Variants in COPA observed in about 807,000 individuals in gnomAD.
The protein encoded by COPA is coat protein complex I subunit alpha.
In COPA, 10 loss-of-function variants were observed where a neutral mutation model predicts 158.7. The observed-to-expected ratio is 0.06, with a 90% CI of 0.04 to 0.11. The LOEUF is 0.11. Ranked by LOEUF, COPA falls within the 10% of genes least tolerant of loss-of-function variation. The pLI is 1.00. For synonymous variants in COPA, 462 were observed against 542.8 expected (o/e 0.85, Z 2.07); for missense variants, 1,065 against 1,536.7 (o/e 0.69, Z 5.13).
In COPA at chr1:160,293,470, G is replaced by A; in HGVS notation, c.2677-7C>T. The A allele has an allele frequency of 6.4e-7, 1 of 1,568,458 alleles. No individual in the cohort carries two copies. Among genetic ancestry groups the A allele is most frequent in the Admixed American group, 2.2e-5 (1 of 46,306 alleles). The stretch of plus-strand genomic sequence containing the variant: ...CTGCCCCAGGGGATATATCCTAGGG[G>A]AAAAACAAAAATTGAGTATTGAGTA... On this transcript the variant is annotated splice_polypyrimidine_tract_variant and splice_region_variant and intron_variant, in intron 25 of 32. Coordinates refer to ENST00000241704, the MANE Select transcript of COPA (RefSeq NM_004371.4).
At chr1:160,336,553 T>C (rs1024394369) in intron 3 of COPA, among the ~76,000 whole-genome samples, 3 of 152,144 alleles carry the variant, frequency 2.0e-5, no homozygotes, top group African/African-American at 7.2e-5. Flanking sequence ...CATATTCAGA[T>C]GTGAAGTTGA....
At chr1:160,312,779 C>G (rs1659008319) in intron 10 of COPA, among the ~76,000 whole-genome samples, 1 of 152,230 alleles carries the variant, frequency 6.6e-6, no homozygotes, top group South Asian at 2.1e-4. Context: ...TCTGCATTTG[C>G]TGTTCCCATT....
intron 6 of COPA, among the ~76,000 whole-genome samples, chr1:160,330,100 G>T (rs1346401527): frequency 6.6e-6 from 1 of 152,104 alleles, no homozygotes; most frequent in South Asian, 2.1e-4. Flanking sequence ...GGGTAACAGT[G>T]AGACTCTGTC....
intron 8 of COPA, among the ~76,000 whole-genome samples, chr1:160,320,271 C>T (rs1472143837): frequency 6.6e-6 from 1 of 151,958 alleles, no homozygotes; most frequent in African/African-American, 2.4e-5. Flanking sequence ...TACTAGAAAA[C>T]TTACAAGAAA....
At chr1:160,336,439 T>A (rs1000387807) in intron 3 of COPA, among the ~76,000 whole-genome samples, 5 of 151,972 alleles carry the variant, frequency 3.3e-5, no homozygotes, top group African/African-American at 9.7e-5. Context: ...ACAACGCCCA[T>A]ACATGTGTGG....
rs535612583 is a variant in COPA, at chr1:160,312,503, C to CT, written c.926-486dup. ...TCTTTCCCTACTAGCACCATCATCC[C>CT]TTAGAAAACCCTTCCACTCTTGTTC... On this transcript the variant is annotated intron_variant, in intron 10 of 32. Transcript: ENST00000241704. Among the ~76,000 whole-genome samples, 81 of 152,330 alleles carry CT rather than the reference C, an allele frequency of 5.3e-4. 1 individual carries two copies. Among genetic ancestry groups the CT allele is most frequent in the African/African-American group, 1.9e-3 (80 of 41,562 alleles).
At chr1:160,313,950 G>C (rs1206342383) in intron 9 of COPA, 40 bp downstream of exon 9, 4 of 1,533,228 alleles carry the variant, frequency 2.6e-6, no homozygotes, top group Non-Finnish European at 3.5e-6. Flanking sequence ...TTAAAAGAGA[G>C]AGTAAGAGAA....
chr1:160,313,734 T>A (rs1452775069), intron 9 of COPA, among the ~76,000 whole-genome samples: 1 of 152,136 alleles, frequency 6.6e-6, no homozygotes, highest in African/African-American at 2.4e-5. Context: ...TTCTTACTTC[T>A]CTAGCTACAG....
chr1:160,296,239 C>T lies in COPA; in HGVS notation c.2264-90G>A, dbSNP rs1658407715. ...CCTCTGAAATGGCCCCCCAGTAATCCCTGACTCCTGGTATTCAAGTTGTTG... is the reference window on the plus strand; with the variant it reads ...CCTCTGAAATGGCCCCCCAGTAATCTCTGACTCCTGGTATTCAAGTTGTTG... On this transcript the variant is annotated intron_variant, in intron 21 of 32. Coordinates refer to ENST00000241704, the MANE Select transcript of COPA (RefSeq NM_004371.4). The T allele has an allele frequency of 1.3e-5, 13 of 1,038,168 alleles. No homozygotes were observed. In the South Asian group the frequency reaches 1.7e-4, roughly 14 times the overall value. The allele number at this position is 1,038,168 out of a possible 1,614,324, so 64.3% of individuals were successfully genotyped here. A position where few individuals can be genotyped will look rare whatever the true frequency, so the allele number is the denominator to read the frequency against.
intron 11 of COPA, 107 bp downstream of exon 11, chr1:160,311,761 T>C (rs1658974625): frequency 5.4e-6 from 6 of 1,111,632 alleles, no homozygotes; most frequent in South Asian, 3.5e-5. Flanking sequence ...AAAAATTAAA[T>C]AAATAAAATA....
At chr1:160,292,235 A>G in intron 28 of COPA, 37 bp from the exon 29 acceptor site, 1 of 1,594,628 alleles carries the variant, frequency 6.3e-7, no homozygotes, top group Non-Finnish European at 8.6e-7. Context: ...CAGGATAGTC[A>G]GTAGGCAACT....
chr1:160,290,366 C>G (rs1658185105), intron 32 of COPA, 126 bp downstream of exon 32: 1 of 1,368,754 alleles, frequency 7.3e-7, no homozygotes, highest in Non-Finnish European at 1.0e-6. Context: ...GATGCTCTAG[C>G]TTTCTCCAGT....
At chr1:160,297,223 C>G in intron 21 of COPA, 120 bp downstream of exon 21, 1 of 859,888 alleles carries the variant, frequency 1.2e-6, no homozygotes, top group Non-Finnish European at 1.9e-6. Flanking sequence ...AGCATGTTGT[C>G]TCTCCTAAAA....
Position 160,290,779 on chromosome 1 carries a change from G to A in COPA, c.3421-93C>T. On this transcript the variant is annotated intron_variant, in intron 31 of 32. Transcript: ENST00000241704. ...CATGGTTTGGTAGTTCCGTTGATGT[G>A]AGACACAACTGTACTGCGTGAAAAG... The A allele has an allele frequency of 3.4e-6, 4 of 1,182,554 alleles. No individual in the cohort carries two copies. The African/African-American group carries it at 6.0e-5, about 18-fold the overall frequency. 73.3% of individuals were successfully genotyped at this position (1,182,554 alleles called of 1,614,324 possible). A position where few individuals can be genotyped will look rare whatever the true frequency, so the allele number is the denominator to read the frequency against.
At chr1:160,337,422 T>C (rs1267371505) in intron 3 of COPA, among the ~76,000 whole-genome samples, 4 of 152,186 alleles carry the variant, frequency 2.6e-5, no homozygotes, top group Non-Finnish European at 4.4e-5. Flanking sequence ...GAGAAATTAA[T>C]TAAAACCACC....
At position 160,343,151 on chromosome 1, in the gene COPA, G is replaced by A; in HGVS notation, c.20C>T (p.Thr7Ile). ...ACTACCTTTGACCCGCGCGCTCTTG[G>A]TCTCGAATTTGGTTAACATCTCTCA... MLTKFE[T>I]KSARVKGLSF... The change falls in exon 1 of 33, where the codon ACC becomes ATC. Residue 7 changes from threonine (T) to isoleucine (I), a missense_variant. By Grantham distance (89) the Thr-to-Ile change is moderately conservative. This residue lies in a region of COPA where 85 missense variants were observed against 178.9 expected (regional missense o/e 0.48). Coordinates refer to ENST00000241704, the MANE Select transcript of COPA (RefSeq NM_004371.4). 2 of 1,614,014 alleles carry A rather than the reference G, an allele frequency of 1.2e-6. No homozygotes were observed. The highest frequency in any genetic ancestry group is 1.7e-6 in the Non-Finnish European group (2 of 1,180,010).
intron 7 of COPA, among the ~76,000 whole-genome samples, chr1:160,323,978 A>G (rs1659413515): frequency 6.6e-6 from 1 of 151,978 alleles, no homozygotes; most frequent in African/African-American, 2.4e-5. Context: ...TCTCTGCCTC[A>G]GCCTCCCAAG....
intron 6 of COPA, among the ~76,000 whole-genome samples, chr1:160,328,173 A>G (rs1647345841): frequency 6.6e-6 from 1 of 152,182 alleles, no homozygotes; most frequent in South Asian, 2.1e-4. Context: ...CCTTTCACTT[A>G]TTTCACTTGT....
intron 8 of COPA, among the ~76,000 whole-genome samples, chr1:160,319,620 T>C (rs935750262): frequency 4.6e-5 from 7 of 151,180 alleles, no homozygotes; most frequent in African/African-American, 1.7e-4. Flanking sequence ...CAGAATAAAC[T>C]ATACTTTAGG....
Sources: gnomAD v4.1 joint callset for allele counts (sites outside exome capture counted in the v4.1 genomes callset) on GRCh38, gnomAD v4.1.1 for gene constraint, gnomAD v4.1.1 regional missense constraint, MANE v1.5 for transcripts, NCBI Gene and HGNC (gene_info 2026-07-23, HGNC 2026-07-21) for gene names.